Variants in GALNT9 observed in about 807,000 individuals in gnomAD.
GALNT9 encodes the protein polypeptide N-acetylgalactosaminyltransferase 9, also known as GalNAc transferase 9.
In GALNT9, 47 loss-of-function variants were observed where a neutral mutation model predicts 63.1. The ratio of observed to expected loss-of-function variants is 0.75; its 90% confidence interval spans 0.59 to 0.95. The LOEUF is 0.95. Ranked by LOEUF, GALNT9 falls within the 40% of genes least tolerant of loss-of-function variation. The pLI is 0.00. For missense variants in GALNT9, 829 were observed against 874.8 expected, an observed-to-expected ratio of 0.95 and a Z score of 0.66; for synonymous variants, 396 against 365.7, an observed-to-expected ratio of 1.08 and a Z score of -0.94.
intron 1 of GALNT9, among the ~76,000 whole-genome samples, chr12:132,309,153 T>C (rs1335500719): frequency 2.6e-5 from 4 of 152,222 alleles, no homozygotes; most frequent in Non-Finnish European, 5.9e-5. Context: ...AATCCTGAGT[T>C]TTTGCCAACA....
At chr12:132,200,248 G>A (rs1405798655) in intron 8 of GALNT9, among the ~76,000 whole-genome samples, 1 of 152,206 alleles carries the variant, frequency 6.6e-6, no homozygotes, top group African/African-American at 2.4e-5. Context: ...GCTCAGGGCT[G>A]GGACGCTCGA....
At chr12:132,253,652 T>A (rs1555238788) in intron 5 of GALNT9, among the ~76,000 whole-genome samples, 5 of 152,268 alleles carry the variant, frequency 3.3e-5, no homozygotes, top group African/African-American at 1.2e-4. Flanking sequence ...ATTCTAACTA[T>A]TTTCTTTATT....
intron 6 of GALNT9, among the ~76,000 whole-genome samples, chr12:132,226,658 A>C (rs1877702165): frequency 8.1e-6 from 1 of 124,078 alleles, no homozygotes; most frequent in Non-Finnish European, 1.6e-5. Context: ...CCCCATATAC[A>C]CACCCCACAC....
intron 5 of GALNT9, among the ~76,000 whole-genome samples, chr12:132,253,770 A>G (rs145469571): frequency 2.6e-5 from 4 of 152,316 alleles, no homozygotes; most frequent in African/African-American, 9.6e-5. Flanking sequence ...CCCTGCACCT[A>G]AAGTTCCATT....
chr12:132,323,897 G>A (rs1868915514), intron 1 of GALNT9, among the ~76,000 whole-genome samples: 1 of 152,244 alleles, frequency 6.6e-6, no homozygotes, highest in South Asian at 2.1e-4. Context: ...CCGGGGCCGG[G>A]ACTGAAGCCT....
chr12:132,258,795 C>T (rs1555239414), intron 4 of GALNT9, among the ~76,000 whole-genome samples: 1 of 152,214 alleles, frequency 6.6e-6, no homozygotes, highest in African/African-American at 2.4e-5. Flanking sequence ...CAGCCCTCGC[C>T]CTTGGAGACG....
chr12:132,227,828 TCTGAAGA>T (rs1877753964), intron 6 of GALNT9, among the ~76,000 whole-genome samples: 2 of 152,022 alleles, frequency 1.3e-5, no homozygotes, highest in African/African-American at 4.8e-5. Context: ...GGAGGGGTCT[TCTGAAGA>T]CCCCTCGTGC....
chr12:132,243,752 C>T (rs952149035), intron 6 of GALNT9, among the ~76,000 whole-genome samples: 3 of 152,186 alleles, frequency 2.0e-5, no homozygotes, highest in Non-Finnish European at 4.4e-5. Flanking sequence ...TGCCACCACG[C>T]ACCGGCTGGC....
rs1321569221 is a variant in GALNT9 at position 132,319,551 on chromosome 12, G to C, written c.238+9415C>G. On this transcript the variant is annotated intron_variant, in intron 1 of 10. Coordinates refer to ENST00000328957, the MANE Select transcript of GALNT9 (RefSeq NM_001122636.2). This position sits in a 1 kb window ranked among gnomAD's most constrained non-coding sequence, Gnocchi z 5.2. Reference sequence around the variant, plus strand: ...GGGGCCTCTTGGTCTGCACAGTCACGGGAGCCAATCCTCACCCTACATCTC... The same window carrying C: ...GGGGCCTCTTGGTCTGCACAGTCACCGGAGCCAATCCTCACCCTACATCTC... 2.6e-5 allele frequency among the ~76,000 whole-genome samples: 4 copies of C among 152,146 alleles called. No homozygotes were observed. The highest frequency in any genetic ancestry group is 5.9e-5 in the Non-Finnish European group (4 of 68,026).
intron 2 of GALNT9, among the ~76,000 whole-genome samples, chr12:132,267,931 A>ACG (rs1879701957): frequency 6.8e-6 from 1 of 146,614 alleles, no homozygotes; most frequent in South Asian, 2.1e-4. Flanking sequence ...ACACACATGC[A>ACG]CACACACACG....
chr12:132,197,803 C>CCCACAGCCGCTGTGTTGGCCGCG lies in GALNT9; in HGVS notation c.1631_1653dup (p.Asp552ArgfsTer17). 2 of 1,540,410 alleles carry CCCACAGCCGCTGTGTTGGCCGCG rather than the reference C, an allele frequency of 1.3e-6. No individual in the cohort carries two copies. The highest frequency in any genetic ancestry group is 1.8e-6 in the Non-Finnish European group (2 of 1,137,592). On this transcript the variant is annotated frameshift_variant, in exon 10 of 11. Coordinates refer to ENST00000328957, the MANE Select transcript of GALNT9 (RefSeq NM_001122636.2). LOFTEE classifies it high-confidence loss of function. ...CCCCAGAGGCTGACCTGGGTGAAGT[C>CCCACAGCCGCTGTGTTGGCCGCG]CCACAGCCGCTGTGTTGGCCGCGCC...
chr12:132,198,995 G>A (rs1198036739), intron 9 of GALNT9, among the ~76,000 whole-genome samples, 179 bp downstream of exon 9: 1 of 152,004 alleles, frequency 6.6e-6, no homozygotes, highest in Non-Finnish European at 1.5e-5. Context: ...TCCAGGTGGG[G>A]CGGGCTGGGA....
chr12:132,287,264 G>T (rs1408927077), intron 1 of GALNT9, among the ~76,000 whole-genome samples: 1 of 152,220 alleles, frequency 6.6e-6, no homozygotes, highest in Non-Finnish European at 1.5e-5. Context: ...TGCCTGCGGG[G>T]CAGAGGATGC....
At chr12:132,271,270 A>G (rs1290180760) in intron 2 of GALNT9, among the ~76,000 whole-genome samples, 17 of 151,542 alleles carry the variant, frequency 1.1e-4, no homozygotes, top group Admixed American at 3.9e-4. Flanking sequence ...CGTCACTGCC[A>G]GGGCTCGAGG....
intron 6 of GALNT9, among the ~76,000 whole-genome samples, chr12:132,221,364 A>G (rs1877440285): frequency 7.4e-6 from 1 of 135,686 alleles, no homozygotes; most frequent in African/African-American, 2.8e-5. Flanking sequence ...AAAAAAAAAA[A>G]AAAAAAAAAA....
chr12:132,196,734 G>A lies in GALNT9; in HGVS notation c.*373C>T. On this transcript the variant is annotated 3_prime_UTR_variant, in exon 11 of 11. Transcript: ENST00000328957. The stretch of plus-strand genomic sequence containing the variant: ...GAGGCCTGCGGGTGGAAGACACCAG[G>A]GTGCAGCCTGGTGCATGGTCCGGGG... The A allele has an allele frequency of 2.9e-6, 3 of 1,020,738 alleles. No individual in the cohort carries two copies. Among genetic ancestry groups the A allele is most frequent in the Non-Finnish European group, 3.5e-6 (3 of 852,778 alleles). 63.2% of individuals were successfully genotyped at this position (1,020,738 alleles called of 1,614,324 possible).
At position 132,199,316 on chromosome 12, in the gene GALNT9, C is replaced by T. The variant is rs377016386; in HGVS notation, c.1402-47G>A. On this transcript the variant is annotated intron_variant, in intron 8 of 10. Transcript: ENST00000328957. ...GAAAGTCCAGAGTCACCCGAGGGTG[C>T]GGCCCCAGGGAGCTTCACGCAGCCA... The T allele has an allele frequency of 7.4e-5, 104 of 1,408,756 alleles. 2 individuals are homozygous for T. Among genetic ancestry groups the T allele is most frequent in the Middle Eastern group, 5.3e-4 (3 of 5,694 alleles). 87.3% of individuals were successfully genotyped at this position (1,408,756 alleles called of 1,614,324 possible).
At chr12:132,304,455 G>A (rs1363795196) in intron 1 of GALNT9, among the ~76,000 whole-genome samples, 95 of 32,978 alleles carry the variant, frequency 2.9e-3, no homozygotes, top group East Asian at 0.015. Flanking sequence ...ACCCTCGCCC[G>A]GGCACAGCCT....
At chr12:132,200,883 CGT>C (rs1565981626) in intron 8 of GALNT9, 3 of 528,926 alleles carry the variant, frequency 5.7e-6, no homozygotes, top group East Asian at 3.3e-5. Flanking sequence ...TCTGCAGGTG[CGT>C]GTGTTTATGT....
Sources: allele counts gnomAD v4.1 joint callset (sites outside exome capture counted in the v4.1 genomes callset), GRCh38; gene constraint gnomAD v4.1.1; non-coding constraint Gnocchi (gnomAD v3.1); transcripts MANE v1.5; gene names NCBI Gene and HGNC (gene_info 2026-07-23, HGNC 2026-07-21).